COL6A5: variants seen among roughly 807,000 people sequenced by gnomAD.
The protein encoded by COL6A5 is collagen alpha-5(VI) chain.
A neutral mutation model predicts 65.6 loss-of-function variants in COL6A5; 48 were observed. The observed-to-expected ratio is 0.73, with a 90% CI of 0.58 to 0.93. The LOEUF (loss-of-function observed/expected upper bound fraction) is 0.93, where lower values mean the gene tolerates loss of function less well. Ranked by LOEUF, COL6A5 falls within the 40% of genes least tolerant of loss-of-function variation. The probability of loss-of-function intolerance (pLI) is 0.00; values close to 1 mark genes in which losing one functional copy is unlikely to be tolerated. For synonymous variants in COL6A5, 291 were observed against 322.8 expected (o/e 0.90, Z 1.05); for missense variants, 914 against 928.3 (o/e 0.98, Z 0.20).
chr3:130,420,961 G>C (rs544608519), intron 25 of COL6A5, among the ~76,000 whole-genome samples, 192 bp from the exon 26 acceptor site: 1 of 152,190 alleles, frequency 6.6e-6, no homozygotes, highest in South Asian at 2.1e-4. Flanking sequence ...GCTGGTCAAA[G>C]AAGTACAGGG....
intron 3 of COL6A5, among the ~76,000 whole-genome samples, chr3:130,379,047 A>T (rs146087992): frequency 1.3e-5 from 2 of 149,276 alleles, no homozygotes; most frequent in African/African-American, 5.0e-5. Flanking sequence ...CCTTCACTTC[A>T]CTAGTAGTGA....
chr3:130,409,963 G>A, intron 18 of COL6A5, 46 bp from the exon 19 acceptor site: 2 of 1,329,676 alleles, frequency 1.5e-6, no homozygotes, highest in Non-Finnish European at 2.1e-6. Context: ...TGGGGAAAAA[G>A]CTGATATTTC....
rs61258830 is a variant in COL6A5 at position 130,365,269 on chromosome 3, A to ATGTTTTGTTT, written c.-28-8324_-28-8315dup. ...AAAATCAACAGATGTCTCCTTTAAG[A>ATGTTTTGTTT]TGTTTTGTTTTGTTTTGTTTTGTTT... is the stretch of plus-strand genomic sequence containing the variant. On this transcript the variant is annotated intron_variant and NMD_transcript_variant, in intron 1 of 41. Coordinates refer to the COL6A5 transcript ENST00000312481. Among the ~76,000 whole-genome samples, 94 of 152,028 alleles carry ATGTTTTGTTT rather than the reference A, an allele frequency of 6.2e-4. 1 individual carries two copies. The South Asian group carries it at 0.018, about 29-fold the overall frequency.
At chr3:130,438,279 G>A (rs1709084728) in intron 1 of COL6A5, among the ~76,000 whole-genome samples, 1 of 152,190 alleles carries the variant, frequency 6.6e-6, no homozygotes, top group Non-Finnish European at 1.5e-5. Flanking sequence ...ACAGGCATGA[G>A]TCACCACGCC....
intron 1 of COL6A5, among the ~76,000 whole-genome samples, chr3:130,362,246 G>A (rs1232137698): frequency 6.1e-5 from 2 of 32,754 alleles, no homozygotes; most frequent in African/African-American, 1.7e-4. Flanking sequence ...AGGGTGTAAG[G>A]TTTCTTTCTC....
At chr3:130,443,434 T>C in intron 3 of COL6A5, 42 bp from the exon 36 acceptor site, 1 of 1,389,800 alleles carries the variant, frequency 7.2e-7, no homozygotes, top group Non-Finnish European at 1.0e-6. Flanking sequence ...GAAACATCAT[T>C]TCCAGTTTTA....
intron 1 of COL6A5, among the ~76,000 whole-genome samples, chr3:130,432,547 CA>C (rs112983846): frequency 0.66 from 85,241 of 129,074 alleles, 27,684 homozygotes; most frequent in Non-Finnish European, 0.75. Context: ...AAGACTCTGT[CA>C]AAAAAAAAAA....
chr3:130,406,193 A>G lies in COL6A5; in HGVS notation c.4425+18A>G, dbSNP rs1395112119. On this transcript the variant is annotated intron_variant and NMD_transcript_variant, in intron 16 of 41. Transcript: ENST00000312481. ...GGGAAGAGGTAAGCCATATTTCTTC[A>G]AGTATCATAAAACTGTCATGAGGTT... 2 of 1,550,330 alleles carry G rather than the reference A, an allele frequency of 1.3e-6. No homozygotes were observed. Among genetic ancestry groups the G allele is most frequent in the East Asian group, 4.9e-5 (2 of 40,906 alleles).
At chr3:130,480,112 ATAT>A (rs1387566783) in intron 7 of COL6A5, among the ~76,000 whole-genome samples, 1 of 152,062 alleles carries the variant, frequency 6.6e-6, no homozygotes, top group African/African-American at 2.4e-5. Flanking sequence ...ATAACAATAG[ATAT>A]TAATAATTCT....
intron 7 of COL6A5, 149 bp downstream of exon 40, chr3:130,472,075 G>A (rs910772842): frequency 8.4e-6 from 7 of 831,906 alleles, no homozygotes; most frequent in Non-Finnish European, 1.3e-5. Context: ...GGATCCAAGG[G>A]AGATAAAACT....
exon 3 of COL6A5, chr3:130,376,454 C>A (rs747255863): frequency 1.2e-6 from 2 of 1,612,300 alleles, no homozygotes; most frequent in Non-Finnish European, 1.7e-6. Context: ...CCATGCTGAA[C>A]CACCTCAAGA....
intron 5 of COL6A5, among the ~76,000 whole-genome samples, chr3:130,464,570 A>T (rs1174076914): frequency 6.6e-6 from 1 of 152,040 alleles, no homozygotes; most frequent in Non-Finnish European, 1.5e-5. Context: ...AGGATCACAA[A>T]CTCCAAAAAG....
At chr3:130,359,961 T>C (rs559061593) in intron 1 of COL6A5, among the ~76,000 whole-genome samples, 2 of 152,258 alleles carry the variant, frequency 1.3e-5, no homozygotes, top group East Asian at 3.9e-4. Context: ...AATTCTACTT[T>C]TGAATTGTTC....
At chr3:130,478,070 T>G (rs1710141827) in intron 7 of COL6A5, among the ~76,000 whole-genome samples, 1 of 152,092 alleles carries the variant, frequency 6.6e-6, no homozygotes, top group Non-Finnish European at 1.5e-5. Context: ...CATGTGATCT[T>G]GGGCATGTCA....
chr3:130,464,411 G>C (rs535914162), intron 5 of COL6A5, among the ~76,000 whole-genome samples: 46 of 152,100 alleles, frequency 3.0e-4, no homozygotes, highest in Non-Finnish European at 5.9e-4. Flanking sequence ...GAGATTACAG[G>C]CATGAGCCAC....
intron 4 of COL6A5, among the ~76,000 whole-genome samples, chr3:130,449,325 C>G (rs897773594): frequency 1.5e-4 from 23 of 152,092 alleles, no homozygotes; most frequent in African/African-American, 5.6e-4. Flanking sequence ...GGAACAAACC[C>G]CATGTTTTCC....
intron 1 of COL6A5, among the ~76,000 whole-genome samples, chr3:130,359,680 G>A (rs908366428): frequency 2.0e-5 from 3 of 152,040 alleles, no homozygotes; most frequent in African/African-American, 4.8e-5. Flanking sequence ...AGGCAAAAGT[G>A]TGTAGGACCC....
intron 1 of COL6A5, among the ~76,000 whole-genome samples, chr3:130,352,455 G>A (rs781077470): frequency 4.6e-5 from 7 of 152,154 alleles, no homozygotes; most frequent in Non-Finnish European, 7.4e-5. Flanking sequence ...TACTCTCGGT[G>A]TGAAATTAGA....
chr3:130,408,440 T>G (rs1937072106), intron 17 of COL6A5, among the ~76,000 whole-genome samples: 1 of 152,174 alleles, frequency 6.6e-6, no homozygotes, highest in Non-Finnish European at 1.5e-5. Context: ...ACTGGTTGTC[T>G]GCTCGCGAAC....
Sources: allele counts gnomAD v4.1 joint callset (sites outside exome capture counted in the v4.1 genomes callset), GRCh38; gene constraint gnomAD v4.1.1; transcripts MANE v1.5; gene names NCBI Gene and HGNC (gene_info 2026-07-23, HGNC 2026-07-21).